DDB1: variants seen among roughly 807,000 people sequenced by gnomAD.
DDB1 encodes the protein damage specific DNA binding protein 1, also known as DNA damage-binding protein 1.
Under a neutral mutation model 133.1 loss-of-function variants are expected in DDB1, and 18 were observed. The ratio of observed to expected loss-of-function variants is 0.14; its 90% CI spans 0.09 to 0.20. The LOEUF is 0.20. Ranked by LOEUF, DDB1 falls within the 10% of genes least tolerant of loss-of-function variation. The pLI, the probability that DDB1 is intolerant of heterozygous loss-of-function variation, is 1.00. For missense variants in DDB1, 828 were observed against 1,459.2 expected (o/e 0.57, Z 7.05); for synonymous variants, 580 against 550.5 (o/e 1.05, Z -0.75).
At position 61,310,328 on chromosome 11, in the gene DDB1, T is replaced by G. The variant is rs759310673; in HGVS notation, c.2368A>C (p.Asn790His). The change falls in exon 19 of 27, where the codon AAC becomes CAC. Residue 790 changes from asparagine (N) to histidine (H), a missense_variant. Asn to His is a moderately conservative substitution (Grantham distance 68). Transcript: ENST00000301764. ...GTGTGTTGGTCAATGATAAGTAGGT[T>G]GTGCACCTCCACCTCTTCTCCAAAG... ...TSFGEEVEVH[N>H]LLIIDQHTFE... 3.7e-6 allele frequency: 6 copies of G among 1,612,308 alleles called. No homozygotes were observed. The highest frequency in any genetic ancestry group is 8.5e-7 in the Non-Finnish European group (1 of 1,179,738).
At position 61,300,844 on chromosome 11, in the gene DDB1, G is replaced by A. The variant is rs759833809; in HGVS notation, c.3304C>T (p.Arg1102Cys). The A allele has an allele frequency of 2.5e-6, 4 of 1,614,130 alleles. No homozygotes were observed. The highest frequency in any genetic ancestry group is 3.4e-6 in the Non-Finnish European group (4 of 1,180,032). ...GCCACCACCTCCTGCATCTTGGGGC[G>A]GCTAATATCCAGGAAACTCTCAATC... ...DLIESFLDIS[R>C]PKMQEVVANL... The change falls in exon 26 of 27, where the codon CGC becomes TGC. Residue 1102 changes from arginine (R) to cysteine (C), a missense_variant. Arg to Cys is a radical substitution (Grantham distance 180, BLOSUM62 -3). Transcript: ENST00000301764.
chr11:61,329,674 G>A (rs1856333431), intron 3 of DDB1, 90 bp from the exon 4 acceptor site: 1 of 1,269,034 alleles, frequency 7.9e-7, no homozygotes, highest in Non-Finnish European at 1.1e-6. Flanking sequence ...AAAATTTTAG[G>A]AGAGGTATTA....
chr11:61,315,499 T>G (rs1228430288), intron 12 of DDB1: 1 of 152,226 alleles, frequency 6.6e-6, no homozygotes, highest in Non-Finnish European at 1.5e-5. Flanking sequence ...CCCTCCGGTT[T>G]TACCAATCTA....
intron 20 of DDB1, 43 bp downstream of exon 20, chr11:61,309,753 A>T: frequency 6.3e-7 from 1 of 1,591,944 alleles, no homozygotes; most frequent in African/African-American, 1.3e-5. Context: ...TGACTTTCTC[A>T]GCATTTCACA....
At chr11:61,327,031 T>C in intron 4 of DDB1, 138 bp from the exon 5 acceptor site, 2 of 659,392 alleles carry the variant, frequency 3.0e-6, no homozygotes, top group Non-Finnish European at 5.5e-6. Context: ...TATCCATCAC[T>C]ATACTGACAA....
intron 12 of DDB1, 133 bp downstream of exon 12, chr11:61,316,152 A>T (rs987082409): frequency 3.9e-6 from 3 of 759,726 alleles, no homozygotes; most frequent in Admixed American, 2.3e-5. Flanking sequence ...GATTATCTGT[A>T]ATTTTTTCCC....
chr11:61,326,604 GAC>G (rs1277503182), intron 5 of DDB1, among the ~76,000 whole-genome samples, 173 bp downstream of exon 5: 2 of 151,974 alleles, frequency 1.3e-5, no homozygotes, highest in South Asian at 2.1e-4. Flanking sequence ...AAATCTCAAA[GAC>G]AGAAAAAAAC....
rs1855762371 is a variant in DDB1, at chr11:61,299,809, A to ACACG, written c.*326_*327insCGTG. ...CACACACACACATACACACACACACACGCACAGCTTCCTTTCAGCCAAAGA... is the reference window on the plus strand; with the variant it reads ...CACACACACACATACACACACACACACACGCGCACAGCTTCCTTTCAGCCAAAGA... On this transcript the variant is annotated 3_prime_UTR_variant, in exon 27 of 27. Transcript: ENST00000301764. 1 of 428,600 alleles carries ACACG rather than the reference A, an allele frequency of 2.3e-6. No homozygotes were observed. Among genetic ancestry groups the ACACG allele is most frequent in the South Asian group, 2.2e-5 (1 of 46,336 alleles). 26.5% of individuals were successfully genotyped at this position (428,600 alleles called of 1,614,324 possible). A position where few individuals can be genotyped will look rare whatever the true frequency, so the allele number is the denominator to read the frequency against.
chr11:61,300,389 A>ACCACCTGACCTGTG (rs1178589614), intron 26 of DDB1, among the ~76,000 whole-genome samples, 170 bp from the exon 27 acceptor site: 1 of 152,162 alleles, frequency 6.6e-6, no homozygotes, highest in African/African-American at 2.4e-5. Context: ...CAGCAAGGAC[A>ACCACCTGACCTGTG]CCACCTGGTC....
Position 61,326,953 on chromosome 11 carries a change from G to C in DDB1, c.550-60C>G, listed in dbSNP as rs537807015. 206 of 1,260,538 alleles carry C rather than the reference G, an allele frequency of 1.6e-4. 2 individuals are homozygous for C. In the South Asian group the frequency reaches 2.4e-3, roughly 15 times the overall value. The allele number at this position is 1,260,538 out of a possible 1,614,324, so 78.1% of individuals were successfully genotyped here. A position where few individuals can be genotyped will look rare whatever the true frequency, so the allele number is the denominator to read the frequency against. On this transcript the variant is annotated intron_variant, in intron 4 of 26. Coordinates refer to ENST00000301764, the MANE Select transcript of DDB1 (RefSeq NM_001923.5). ...AAGGGTGAGCCTTGGGCTAGAGAGA[G>C]GTGCTGTAAGGAATAAGCCACCACT...
intron 2 of DDB1, among the ~76,000 whole-genome samples, chr11:61,331,074 A>C (rs1268875697): frequency 1.3e-5 from 2 of 152,228 alleles, no homozygotes; most frequent in Non-Finnish European, 2.9e-5. Context: ...AGTGGCACCT[A>C]AAGTCAGAAT....
intron 20 of DDB1, among the ~76,000 whole-genome samples, chr11:61,309,449 G>A (rs538876902): frequency 6.6e-6 from 1 of 152,266 alleles, no homozygotes; most frequent in East Asian, 1.9e-4. Flanking sequence ...GTTGAAGCTG[G>A]AAAGAGCACC....
chr11:61,310,461 A>T, intron 18 of DDB1, 43 bp from the exon 19 acceptor site: 1 of 1,552,118 alleles, frequency 6.4e-7, no homozygotes. Flanking sequence ...CAAACACAGA[A>T]GAAGTGCTGA....
chr11:61,302,552 T>C, intron 24 of DDB1, 30 bp downstream of exon 24: 1 of 1,612,722 alleles, frequency 6.2e-7, no homozygotes. Flanking sequence ...GAGGCCTGTG[T>C]GGGGGTGTGC....
At chr11:61,331,512 C>A in intron 2 of DDB1, 31 bp downstream of exon 2, 1 of 1,605,970 alleles carries the variant, frequency 6.2e-7, no homozygotes, top group Non-Finnish European at 8.5e-7. Context: ...ACAGTTCCCC[C>A]TCCACTGCTT....
At position 61,303,167 on chromosome 11, in the gene DDB1, CA is replaced by C; in HGVS notation, c.2833-13del. The C allele has an allele frequency of 6.2e-7, 1 of 1,611,882 alleles. No homozygotes were observed. The highest frequency in any genetic ancestry group is 8.5e-7 in the Non-Finnish European group (1 of 1,178,032). ...AAGTCTCGAGCAATCTTAAAACAGA[CA>C]AGGTGAAAGAAGAAAGCATAATCAG... On this transcript the variant is annotated splice_polypyrimidine_tract_variant and intron_variant, in intron 22 of 26. Transcript: ENST00000301764.
intron 10 of DDB1, among the ~76,000 whole-genome samples, chr11:61,319,479 T>C (rs1281002987): frequency 1.3e-5 from 2 of 152,084 alleles, no homozygotes; most frequent in African/African-American, 4.8e-5. Flanking sequence ...GACGCCAGGC[T>C]GGAGTGCAGT....
Position 61,325,680 on chromosome 11 carries a change from G to A in DDB1, c.693C>T (p.Ile231=), listed in dbSNP as rs775407580. ...GATAGGTGATTGACTCCTGTCCAATGATGATGGCCCCCCCAAAGGGCTCTG... is the reference window on the plus strand; with the variant it reads ...GATAGGTGATTGACTCCTGTCCAATAATGATGGCCCCCCCAAAGGGCTCTG... ...AVPEPFGGAI[I]IGQESITYHN... Residue 231 remains isoleucine, a synonymous_variant, in exon 6 of 27, where the codon ATC becomes ATT. Coordinates refer to ENST00000301764, the MANE Select transcript of DDB1 (RefSeq NM_001923.5). 5 of 1,613,310 alleles carry A rather than the reference G, an allele frequency of 3.1e-6. No homozygotes were observed. In the East Asian group the frequency reaches 6.7e-5, roughly 22 times the overall value.
At position 61,304,038 on chromosome 11, in the gene DDB1, G is replaced by A. The variant is rs368309331; in HGVS notation, c.2662-3C>T. On this transcript the variant is annotated splice_region_variant and splice_polypyrimidine_tract_variant and intron_variant, in intron 21 of 26. Coordinates refer to ENST00000301764, the MANE Select transcript of DDB1 (RefSeq NM_001923.5). ...GTTGTCCACTCATAGAGCCGCACCT[G>A]GGAAGGGCATTGTCTCTCTCAGCCA... The A allele has an allele frequency of 1.2e-6, 2 of 1,613,708 alleles. No homozygotes were observed. Among genetic ancestry groups the A allele is most frequent in the Admixed American group, 1.7e-5 (1 of 60,012 alleles).
Sources: gnomAD v4.1 joint callset for allele counts (sites outside exome capture counted in the v4.1 genomes callset) on GRCh38, gnomAD v4.1.1 for gene constraint, MANE v1.5 for transcripts, NCBI Gene and HGNC (gene_info 2026-07-23, HGNC 2026-07-21) for gene names.